EIF2S1: variants seen among roughly 807,000 people sequenced by gnomAD.
EIF2S1 encodes eukaryotic translation initiation factor 2 subunit alpha.
In EIF2S1, 5 loss-of-function variants were observed where a neutral mutation model predicts 33.5. The ratio of observed to expected loss-of-function variants is 0.15; its 90% CI spans 0.08 to 0.31. The LOEUF is 0.31. Ranked by LOEUF, EIF2S1 falls within the 10% of genes least tolerant of loss-of-function variation. EIF2S1 has a pLI of 1.00. For synonymous variants in EIF2S1, 99 were observed against 127.5 expected, an observed-to-expected ratio of 0.78 and a Z score of 1.51; for missense variants, 191 against 384.6, an observed-to-expected ratio of 0.50 and a Z score of 4.21.
chr14:67,367,590 C>T (rs961449272), intron 2 of EIF2S1, among the ~76,000 whole-genome samples: 3 of 152,240 alleles, frequency 2.0e-5, no homozygotes, highest in African/African-American at 7.2e-5. Context: ...AAATACGGTG[C>T]ATGGAATGGA....
At chr14:67,379,256 A>G (rs1877215384) in intron 4 of EIF2S1, among the ~76,000 whole-genome samples, 1 of 152,230 alleles carries the variant, frequency 6.6e-6, no homozygotes, top group Admixed American at 6.5e-5. Context: ...AGGATTGATT[A>G]TATATCTTTA....
intron 2 of EIF2S1, among the ~76,000 whole-genome samples, chr14:67,365,471 TATATACACACCTGA>T (rs2085769547): frequency 6.6e-6 from 1 of 152,258 alleles, no homozygotes; most frequent in Admixed American, 6.5e-5. Flanking sequence ...ACTATGCGTG[TATATACACACCTGA>T]AATCCAACAT....
chr14:67,383,474 C>G lies in EIF2S1; in HGVS notation c.*34C>G. The G allele has an allele frequency of 6.2e-7, 1 of 1,609,296 alleles. No homozygotes were observed. The highest frequency in any genetic ancestry group is 8.5e-7 in the Non-Finnish European group (1 of 1,176,886). Reference sequence around the variant, plus strand: ...GAAACAGAGTCCAATTTAAGGAACACAGAGCAGCGCTTCCTGGCTGTAAAT... The same window carrying G: ...GAAACAGAGTCCAATTTAAGGAACAGAGAGCAGCGCTTCCTGGCTGTAAAT... On this transcript the variant is annotated 3_prime_UTR_variant, in exon 8 of 8. Coordinates refer to ENST00000256383, the MANE Select transcript of EIF2S1 (RefSeq NM_004094.5).
intron 4 of EIF2S1, among the ~76,000 whole-genome samples, chr14:67,379,081 T>C (rs2085872566): frequency 6.6e-6 from 1 of 152,224 alleles, no homozygotes; most frequent in African/African-American, 2.4e-5. Flanking sequence ...TAGTATTTCA[T>C]TGTGAGAATA....
intron 2 of EIF2S1, among the ~76,000 whole-genome samples, chr14:67,371,317 G>A (rs991964207): frequency 5.3e-5 from 8 of 151,930 alleles, no homozygotes; most frequent in African/African-American, 2.4e-5. Context: ...CTACTTGGGA[G>A]GCTGAGGTGG....
At chr14:67,367,113 T>C (rs2085784373) in intron 2 of EIF2S1, among the ~76,000 whole-genome samples, 2 of 152,284 alleles carry the variant, frequency 1.3e-5, no homozygotes, top group South Asian at 4.1e-4. Context: ...AAACACAGGG[T>C]GGACTCCAGG....
rs1246157016 is a variant in EIF2S1 at position 67,384,212 on chromosome 14, G to GT, written c.*773dup. The GT allele has an allele frequency of 6.6e-6, 1 of 152,080 alleles. No individual in the cohort carries two copies. The highest frequency in any genetic ancestry group is 2.4e-5 in the African/African-American group (1 of 41,410). 9.4% of individuals were successfully genotyped at this position (152,080 alleles called of 1,614,324 possible). A position where few individuals can be genotyped will look rare whatever the true frequency, so the allele number is the denominator to read the frequency against. ...TGAGTTTATAATTCAGGGTGGTAAA[G>GT]TATGTTTTTAAATTTTAAAAAGCAG... On this transcript the variant is annotated 3_prime_UTR_variant, in exon 8 of 8. Transcript: ENST00000256383.
At position 67,365,096 on chromosome 14, in the gene EIF2S1, T is replaced by TA; in HGVS notation, c.241+88_241+89insA. 2.2e-6 allele frequency: 3 copies of TA among 1,373,318 alleles called. No homozygotes were observed. The African/African-American group carries it at 4.4e-5, about 20-fold the overall frequency. The allele number at this position is 1,373,318 out of a possible 1,614,324, so 85.1% of individuals were successfully genotyped here. A position where few individuals can be genotyped will look rare whatever the true frequency, so the allele number is the denominator to read the frequency against. On this transcript the variant is annotated intron_variant, in intron 2 of 7. Coordinates refer to ENST00000256383, the MANE Select transcript of EIF2S1 (RefSeq NM_004094.5). ...TTTTTTGTAAATTGCAAGCTGCAGC[T>TA]TAAAAAAAAAAGCTCCTTTTATACT...
intron 2 of EIF2S1, among the ~76,000 whole-genome samples, chr14:67,372,464 T>C (rs2085828961): frequency 6.6e-6 from 1 of 152,222 alleles, no homozygotes; most frequent in South Asian, 2.1e-4. Context: ...AGAACTTATG[T>C]TCTTTAAAGA....
At chr14:67,372,863 A>T (rs575551853) in intron 2 of EIF2S1, among the ~76,000 whole-genome samples, 1 of 152,210 alleles carries the variant, frequency 6.6e-6, no homozygotes, top group African/African-American at 2.4e-5. Flanking sequence ...AAAACCCTGT[A>T]TCTAAACCAT....
intron 7 of EIF2S1, 115 bp from the exon 8 acceptor site, chr14:67,383,200 G>T: frequency 8.5e-7 from 1 of 1,171,064 alleles, no homozygotes; most frequent in Non-Finnish European, 1.2e-6. Context: ...GAACAGATAT[G>T]ACAGAGTTGT....
intron 2 of EIF2S1, among the ~76,000 whole-genome samples, chr14:67,373,001 G>A (rs181534663): frequency 3.3e-5 from 5 of 152,156 alleles, no homozygotes; most frequent in Admixed American, 3.3e-4. Context: ...AAACCACAGT[G>A]AGATGCCACT....
chr14:67,384,052 T>C lies in EIF2S1; in HGVS notation c.*612T>C, dbSNP rs1484083231. On this transcript the variant is annotated 3_prime_UTR_variant, in exon 8 of 8. Transcript: ENST00000256383. ...TTTAACCACAGTGAAAGTTGACCCT[T>C]AGCGGGACAAAGCCTTAAAATGCAT... 1 of 156,168 alleles carries C rather than the reference T, an allele frequency of 6.4e-6. No individual in the cohort carries two copies. The highest frequency in any genetic ancestry group is 1.4e-5 in the Non-Finnish European group (1 of 70,598). 9.7% of individuals were successfully genotyped at this position (156,168 alleles called of 1,614,324 possible).
At chr14:67,377,775 T>A (rs1408636316) in intron 4 of EIF2S1, among the ~76,000 whole-genome samples, 1 of 152,150 alleles carries the variant, frequency 6.6e-6, no homozygotes, top group African/African-American at 2.4e-5. Flanking sequence ...ACTTTTCCTT[T>A]ACTTTCTCTT....
At chr14:67,376,295 C>T (rs2085857522) in intron 3 of EIF2S1, 144 bp from the exon 4 acceptor site, 8 of 788,844 alleles carry the variant, frequency 1.0e-5, no homozygotes. Flanking sequence ...ACTTTTTATA[C>T]CCACTTAAAG....
intron 1 of EIF2S1, among the ~76,000 whole-genome samples, chr14:67,360,918 C>G (rs1360180339): frequency 6.6e-6 from 1 of 152,142 alleles, no homozygotes; most frequent in East Asian, 1.9e-4. Context: ...TGGCCTCTTA[C>G]CTGAGAAACC....
chr14:67,364,496 A>G (rs2085761469), intron 1 of EIF2S1: 1 of 339,982 alleles, frequency 2.9e-6, no homozygotes, highest in Non-Finnish European at 5.4e-6. Flanking sequence ...TACTTTATAG[A>G]TGGTCATTAT....
At position 67,367,846 on chromosome 14, in the gene EIF2S1, A is replaced by T. The variant is rs78463647; in HGVS notation, c.241+2838A>T. Among the ~76,000 whole-genome samples the T allele has an allele frequency of 5.3e-3, 809 of 152,200 alleles. 8 individuals are homozygous for T. Among genetic ancestry groups the T allele is most frequent in the African/African-American group, 0.018 (728 of 41,552 alleles). On this transcript the variant is annotated intron_variant, in intron 2 of 7. Transcript: ENST00000256383. ...ACCAGACCTTGTCTCAAAAAAAAAA[A>T]AGAGAGAGGTGAAGGAAGTTCTTTA...
Position 67,376,471 on chromosome 14 carries a change from G to A in EIF2S1, c.354G>A (p.Val118=), listed in dbSNP as rs1006422367. The change falls in exon 4 of 8, where the codon GTG becomes GTA. Residue 118 remains valine, a synonymous_variant. Transcript: ENST00000256383. ...VYSILRHVAE[V]LEYTKDEQLE... The stretch of plus-strand genomic sequence containing the variant: ...GCATTCTTCGTCATGTTGCTGAGGT[G>A]TTAGAATACACCAAGGATGAGCAGC... 1.2e-6 allele frequency: 2 copies of A among 1,613,788 alleles called. No individual in the cohort carries two copies. The highest frequency in any genetic ancestry group is 8.5e-7 in the Non-Finnish European group (1 of 1,179,890).
Sources: allele counts gnomAD v4.1 joint callset (sites outside exome capture counted in the v4.1 genomes callset), GRCh38; gene constraint gnomAD v4.1.1; transcripts MANE v1.5; gene names NCBI Gene and HGNC (gene_info 2026-07-23, HGNC 2026-07-21).